ITGAE: variants seen among roughly 807,000 people sequenced by gnomAD.
The protein encoded by ITGAE is integrin subunit alpha E, also known as integrin alpha-E.
A neutral mutation model predicts 136.5 loss-of-function variants in ITGAE; 99 were observed. The ratio of observed to expected loss-of-function variants is 0.73; its 90% CI spans 0.62 to 0.86. The LOEUF (loss-of-function observed/expected upper bound fraction) is 0.86. ITGAE is among the 40% of genes least tolerant of loss of function. ITGAE has a pLI of 0.00. For missense variants in ITGAE, 1,447 were observed against 1,515.3 expected (o/e 0.95, Z 0.75); for synonymous variants, 613 against 591.8 (o/e 1.04, Z -0.52).
At chr17:3,726,492 A>T in intron 26 of ITGAE, 1 of 612,670 alleles carries the variant, frequency 1.6e-6, no homozygotes, top group South Asian at 2.2e-5. Flanking sequence ...AAACTGAAAT[A>T]TTTGTTGAAA....
intron 1 of ITGAE, chr17:3,784,308 T>C (rs1211488604): frequency 2.8e-6 from 1 of 362,324 alleles, no homozygotes; most frequent in South Asian, 2.0e-5. Flanking sequence ...AGACCAAAAA[T>C]TGAGCAAGGA....
At chr17:3,775,126 T>A (rs2052510931) in intron 2 of ITGAE, among the ~76,000 whole-genome samples, 1 of 152,122 alleles carries the variant, frequency 6.6e-6, no homozygotes, top group South Asian at 2.1e-4. Context: ...GATTTTTTTA[T>A]ATTTTTTGTA....
At position 3,723,268 on chromosome 17, in the gene ITGAE, A is replaced by G. The variant is rs774823331; in HGVS notation, c.3237+20T>C. ...TGAGCAACTGGATAATCAAATCTGG[A>G]GCATTTCAGTCTCAAACACCTCCTC... On this transcript the variant is annotated intron_variant, in intron 28 of 30. Transcript: ENST00000263087. The G allele has an allele frequency of 9.2e-6, 14 of 1,514,030 alleles. No individual in the cohort carries two copies. The Middle Eastern group carries it at 5.1e-4, about 55-fold the overall frequency. 93.8% of individuals were successfully genotyped at this position (1,514,030 alleles called of 1,614,324 possible).
intron 20 of ITGAE, among the ~76,000 whole-genome samples, chr17:3,737,064 A>G: frequency 6.6e-6 from 1 of 152,068 alleles, no homozygotes; most frequent in Non-Finnish European, 1.5e-5. Context: ...GAGGTGAGGC[A>G]GGTGGATCAC....
At position 3,773,848 on chromosome 17, in the gene ITGAE, C is replaced by T. The variant is rs533724654; in HGVS notation, c.155+3692G>A. ...AGCTATCTGGGGGCTGCCGGTCCCC[C>T]GTCAACTCATTAACAAAGAAAAAGA... On this transcript the variant is annotated intron_variant, in intron 2 of 30. Coordinates refer to ENST00000263087, the MANE Select transcript of ITGAE (RefSeq NM_002208.5). Among the ~76,000 whole-genome samples the T allele has an allele frequency of 1.6e-4, 24 of 152,182 alleles. No individual in the cohort carries two copies. The South Asian group carries it at 3.9e-3, about 25-fold the overall frequency.
intron 2 of ITGAE, among the ~76,000 whole-genome samples, chr17:3,771,070 A>C (rs1040374409): frequency 3.3e-5 from 5 of 151,436 alleles, no homozygotes; most frequent in Non-Finnish European, 7.4e-5. Flanking sequence ...AAATGAGTAC[A>C]TTCTTTGGGA....
chr17:3,738,372 T>C (rs758408947), intron 20 of ITGAE, among the ~76,000 whole-genome samples: 13 of 152,290 alleles, frequency 8.5e-5, no homozygotes, highest in South Asian at 4.1e-4. Context: ...GGTTTTACCA[T>C]GTTGACCAGG....
intron 29 of ITGAE, chr17:3,717,799 G>T (rs1180078102): frequency 6.6e-6 from 1 of 152,160 alleles, no homozygotes; most frequent in Admixed American, 6.6e-5. Context: ...TAGGAGTGAA[G>T]TCCTAGGCTT....
At chr17:3,800,673 T>G (rs1465889272) in intron 1 of ITGAE, among the ~76,000 whole-genome samples, 2 of 152,294 alleles carry the variant, frequency 1.3e-5, no homozygotes, top group East Asian at 3.9e-4. Flanking sequence ...CCCCAGTCTC[T>G]GGTCAACACT....
rs775340025 is a variant in ITGAE at position 3,777,587 on chromosome 17, G to C, written c.108C>G (p.Phe36Leu). The C allele has an allele frequency of 1.9e-6, 3 of 1,613,884 alleles. No homozygotes were observed. In the East Asian group the frequency reaches 6.7e-5, roughly 36 times the overall value. ...PWLTPKGGAP[F>L]VLSSLLHQDP... is the part of the protein sequence containing the mutation. ...CTTGGTGCAGAAGGGAGCTGAGCAC[G>C]AAAGGGGCACCTCCCTTGGGCGTGA... Residue 36 changes from phenylalanine (F) to leucine (L), a missense_variant, in exon 2 of 31, where the codon TTC (phenylalanine) becomes TTG (leucine). Physicochemically the swap from Phe to Leu is conservative, Grantham distance 22 (BLOSUM62 0). Coordinates refer to ENST00000263087, the MANE Select transcript of ITGAE (RefSeq NM_002208.5).
In ITGAE at chr17:3,732,441, T is replaced by C. The variant is rs2051366946; in HGVS notation, c.2681A>G (p.Asp894Gly). The C allele has an allele frequency of 6.2e-7, 1 of 1,614,118 alleles. No individual in the cohort carries two copies. Among genetic ancestry groups the C allele is most frequent in the Non-Finnish European group, 8.5e-7 (1 of 1,179,970 alleles). The change falls in exon 22 of 31, where the codon GAT becomes GGT. Residue 894 changes from aspartate to glycine, a missense_variant. Transcript: ENST00000263087. ...GACAGAAGCAACCGGCTGAGGGTCATCACACTGAATGTTTGGAGAGGGAGG... is the reference window on the plus strand; with the variant it reads ...GACAGAAGCAACCGGCTGAGGGTCACCACACTGAATGTTTGGAGAGGGAGG... ...QKPPSPNIQC[D>G]DPQPVASVLI...
intron 18 of ITGAE, among the ~76,000 whole-genome samples, chr17:3,743,998 C>T (rs1361634194): frequency 6.6e-6 from 1 of 151,038 alleles, no homozygotes; most frequent in African/African-American, 2.4e-5. Flanking sequence ...CCACCGCGCC[C>T]GGCCTCTTTT....
chr17:3,766,792 AAATAATAATAATAAT>A (rs146384772), intron 2 of ITGAE, among the ~76,000 whole-genome samples: 8,580 of 136,818 alleles, frequency 0.063, 341 homozygotes, highest in Middle Eastern at 0.11. Context: ...AAAGAGTGCA[AAATAATAATAATAAT>A]AATAATAATA....
At position 3,755,258 on chromosome 17, in the gene ITGAE, G is replaced by T. The variant is rs1325582505; in HGVS notation, c.1243C>A (p.Gln415Lys). The T allele has an allele frequency of 6.3e-7, 1 of 1,575,850 alleles. No homozygotes were observed. The highest frequency in any genetic ancestry group is 8.6e-7 in the Non-Finnish European group (1 of 1,167,122). Residue 415 changes from glutamine to lysine, a missense_variant, in exon 12 of 31, where the codon CAG becomes AAG. Gln to Lys is a moderately conservative substitution (Grantham distance 53, BLOSUM62 1). Transcript: ENST00000263087. ...GFSAQILDERQVLLGAVGAFD... is the reference protein window; with the variant it reads ...GFSAQILDERKVLLGAVGAFD... ...GCCCCGACGGCGCCGAGCAGCACCT[G>T]CCGCTGAAGGGGACGGGGATGGGGC...
intron 19 of ITGAE, 89 bp from the exon 20 acceptor site, chr17:3,739,967 G>C: frequency 9.6e-7 from 1 of 1,041,582 alleles, no homozygotes; most frequent in Non-Finnish European, 1.5e-6. Flanking sequence ...GGAAGTTTTG[G>C]GCTGTGCCTC....
chr17:3,791,675 C>T (rs1214954161), intron 1 of ITGAE, among the ~76,000 whole-genome samples: 2 of 152,080 alleles, frequency 1.3e-5, no homozygotes, highest in African/African-American at 2.4e-5. Flanking sequence ...GAAACATTAG[C>T]GTGCAAATGA....
chr17:3,754,875 A>T (rs1463818519), intron 12 of ITGAE, among the ~76,000 whole-genome samples: 1 of 15,582 alleles, frequency 6.4e-5, no homozygotes, highest in Non-Finnish European at 1.2e-4. Context: ...GGTAGCCCCC[A>T]GGCCCCACCC....
chr17:3,744,169 A>G (rs1280928155), intron 18 of ITGAE, among the ~76,000 whole-genome samples: 2 of 151,598 alleles, frequency 1.3e-5, no homozygotes, highest in East Asian at 3.9e-4. Flanking sequence ...GAGCCACCGC[A>G]CCTTGCAAGA....
chr17:3,745,422 AC>A (rs1258548249), intron 18 of ITGAE, among the ~76,000 whole-genome samples: 1 of 151,350 alleles, frequency 6.6e-6, no homozygotes, highest in Non-Finnish European at 1.5e-5. Context: ...GCTCACTGCA[AC>A]CTCCCTCCCC....
Sources: allele counts gnomAD v4.1 joint callset (sites outside exome capture counted in the v4.1 genomes callset), GRCh38; gene constraint gnomAD v4.1.1; transcripts MANE v1.5; gene names NCBI Gene and HGNC (gene_info 2026-07-23, HGNC 2026-07-21).